Variants in SIPA1L1 observed in about 807,000 individuals in gnomAD.
SIPA1L1 encodes the protein signal induced proliferation associated 1 like 1, also known as signal-induced proliferation-associated 1-like protein 1.
Under a neutral mutation model 162.7 loss-of-function variants are expected in SIPA1L1, and 26 were observed. The observed-to-expected ratio is 0.16, with a 90% confidence interval of 0.12 to 0.22. The LOEUF is 0.22. Among genes scored for constraint, SIPA1L1 ranks in the 10% least tolerant of loss-of-function variants. The probability of loss-of-function intolerance (pLI) is 1.00; values close to 1 mark genes in which losing one functional copy is unlikely to be tolerated. For synonymous variants in SIPA1L1, 829 were observed against 837.4 expected, an observed-to-expected ratio of 0.99 and a Z score of 0.17; for missense variants, 1,874 against 2,241.0, an observed-to-expected ratio of 0.84 and a Z score of 3.31.
chr14:71,695,217 C>T (rs2081536213), intron 13 of SIPA1L1, among the ~76,000 whole-genome samples: 1 of 152,146 alleles, frequency 6.6e-6, no homozygotes, highest in African/African-American at 2.4e-5. Flanking sequence ...TTTTCTTTGC[C>T]TACCATACAT....
In SIPA1L1 at chr14:71,395,097, A is replaced by G. The variant is rs542418874; in HGVS notation, c.-465+73916A>G. ...AGGGCCCTTAGGAAATTTTTCTTAAAAAGAGTTTGTAATGATTCATAATTT... is the reference window on the plus strand; with the variant it reads ...AGGGCCCTTAGGAAATTTTTCTTAAGAAGAGTTTGTAATGATTCATAATTT... On this transcript the variant is annotated intron_variant, in intron 2 of 23. Transcript: ENST00000381232. Among the ~76,000 whole-genome samples the G allele has an allele frequency of 1.8e-4, 27 of 152,336 alleles. No individual in the cohort carries two copies. The South Asian group carries it at 5.6e-3, about 32-fold the overall frequency.
Position 71,609,168 on chromosome 14 carries a change from A to C in SIPA1L1, c.1499-9589A>C, listed in dbSNP as rs1421876038. Among the ~76,000 whole-genome samples, 8 of 152,238 alleles carry C rather than the reference A, an allele frequency of 5.3e-5. No homozygotes were observed. In the East Asian group the frequency reaches 1.5e-3, roughly 29 times the overall value. ...GTTTTTTCCAATTCTTGTTATAATA[A>C]ATAATGCTTACATTAGCTGGTCTTA... is the stretch of plus-strand genomic sequence containing the variant. On this transcript the variant is annotated intron_variant, in intron 5 of 23. Coordinates refer to ENST00000381232, the MANE Select transcript of SIPA1L1 (RefSeq NM_001386936.1).
rs759572108 is a variant in SIPA1L1, at chr14:71,672,598, C to T, written c.3080C>T (p.Pro1027Leu). 3 of 1,614,012 alleles carry T rather than the reference C, an allele frequency of 1.9e-6. No individual in the cohort carries two copies. Among genetic ancestry groups the T allele is most frequent in the South Asian group, 1.1e-5 (1 of 91,080 alleles). Reference sequence around the variant, plus strand: ...ACGGTGAAGGTTGTCATCATTCCCCCGCATGATGACTGCACCCCGCGGAGG... The same window carrying T: ...ACGGTGAAGGTTGTCATCATTCCCCTGCATGATGACTGCACCCCGCGGAGG... The part of the protein sequence containing the change: ...SVTVKVVIIP[P>L]HDDCTPRRSC... The change falls in exon 12 of 24, where the codon CCG becomes CTG. Residue 1027 changes from proline to leucine, a missense_variant. Coordinates refer to ENST00000381232, the MANE Select transcript of SIPA1L1 (RefSeq NM_001386936.1).
intron 3 of SIPA1L1, among the ~76,000 whole-genome samples, chr14:71,522,697 C>CT (rs368872105): frequency 0.031 from 4,407 of 144,020 alleles, 124 homozygotes; most frequent in African/African-American, 0.074. Context: ...TTCTCTCTCT[C>CT]TTTTTTTTTT....
intron 4 of SIPA1L1, among the ~76,000 whole-genome samples, chr14:71,544,163 G>GCATGTGTGTGTATATA (rs756031755): frequency 6.8e-6 from 1 of 146,214 alleles, no homozygotes; most frequent in Admixed American, 6.8e-5. Flanking sequence ...GTGTGTATAT[G>GCATGTGTGTGTATATA]TACATATATG....
intron 5 of SIPA1L1, among the ~76,000 whole-genome samples, chr14:71,601,518 T>C (rs2036747432): frequency 6.6e-6 from 1 of 152,232 alleles, no homozygotes; most frequent in African/African-American, 2.4e-5. Flanking sequence ...CATTTTTGCA[T>C]GTATGTTCAT....
intron 2 of SIPA1L1, among the ~76,000 whole-genome samples, chr14:71,408,821 A>G (rs1313039083): frequency 6.6e-6 from 1 of 152,220 alleles, no homozygotes; most frequent in Non-Finnish European, 1.5e-5. Flanking sequence ...GTGAGCAGGA[A>G]GAGACTGGAG....
chr14:71,538,203 G>A (rs1402604355), intron 4 of SIPA1L1, among the ~76,000 whole-genome samples: 2 of 152,126 alleles, frequency 1.3e-5, no homozygotes, highest in Admixed American at 1.3e-4. Flanking sequence ...CTCAAAAGGA[G>A]TGAGAAGTTA....
At chr14:71,357,602 C>T (rs902317854) in intron 2 of SIPA1L1, among the ~76,000 whole-genome samples, 2 of 152,058 alleles carry the variant, frequency 1.3e-5, no homozygotes, top group African/African-American at 4.8e-5. Context: ...CACTCTGTCA[C>T]CCAGGCTGCA....
At chr14:71,435,525 A>G (rs891425927) in intron 2 of SIPA1L1, among the ~76,000 whole-genome samples, 8 of 152,140 alleles carry the variant, frequency 5.3e-5, no homozygotes, top group Non-Finnish European at 1.2e-4. Flanking sequence ...TTATGGCTGC[A>G]TAGTATTCCA....
intron 17 of SIPA1L1, among the ~76,000 whole-genome samples, chr14:71,716,964 A>T (rs1184515394): frequency 3.9e-5 from 6 of 152,234 alleles, no homozygotes; most frequent in Non-Finnish European, 8.8e-5. Flanking sequence ...CAGTAGCACG[A>T]TCTTGGCTCA....
At chr14:71,372,218 A>G (rs1283168281) in intron 2 of SIPA1L1, among the ~76,000 whole-genome samples, 1 of 152,108 alleles carries the variant, frequency 6.6e-6, no homozygotes, top group Non-Finnish European at 1.5e-5. Flanking sequence ...AGAATTAGTC[A>G]GCTTCCAGGA....
In SIPA1L1 at chr14:71,730,280, T is replaced by G. The variant is rs767927516; in HGVS notation, c.4840T>G (p.Leu1614Val). The G allele has an allele frequency of 1.9e-6, 3 of 1,614,124 alleles. 1 individual carries two copies. The highest frequency in any genetic ancestry group is 3.3e-5 in the Admixed American group (2 of 60,026). ...CCCGTTGAGGAGGCCTTCTTACACCTTAGGAATGAAATCGCTGCATGGTAA... is the reference window on the plus strand; with the variant it reads ...CCCGTTGAGGAGGCCTTCTTACACCGTAGGAATGAAATCGCTGCATGGTAA... ...SLPLRRPSYTLGMKSLHGEFS... is the reference protein window; with the variant it reads ...SLPLRRPSYTVGMKSLHGEFS... The change falls in exon 20 of 24, where the codon TTA (leucine) becomes GTA (valine). Residue 1614 changes from leucine to valine, a missense_variant. By Grantham distance (32) the Leu-to-Val change is conservative (BLOSUM62 1). Coordinates refer to ENST00000381232, the MANE Select transcript of SIPA1L1 (RefSeq NM_001386936.1).
At chr14:71,407,997 A>G (rs1167377889) in intron 2 of SIPA1L1, among the ~76,000 whole-genome samples, 2 of 152,212 alleles carry the variant, frequency 1.3e-5, no homozygotes, top group African/African-American at 4.8e-5. Context: ...AGAAAAGATG[A>G]ACTAAGGTTA....
At chr14:71,555,787 C>G (rs2056302008) in intron 4 of SIPA1L1, among the ~76,000 whole-genome samples, 3 of 152,018 alleles carry the variant, frequency 2.0e-5, no homozygotes, top group Admixed American at 2.0e-4. Context: ...GACTAGAGAG[C>G]CCAAAGAGAG....
intron 4 of SIPA1L1, among the ~76,000 whole-genome samples, chr14:71,555,395 G>A (rs2056265669): frequency 6.6e-6 from 1 of 152,098 alleles, no homozygotes; most frequent in South Asian, 2.1e-4. Context: ...ACCTCTCTCA[G>A]CCTTCATAGA....
intron 2 of SIPA1L1, among the ~76,000 whole-genome samples, chr14:71,472,169 T>A (rs572232421): frequency 6.6e-6 from 1 of 152,230 alleles, no homozygotes; most frequent in African/African-American, 2.4e-5. Context: ...GACTCTCATG[T>A]CCTTCTGTGT....
intron 5 of SIPA1L1, among the ~76,000 whole-genome samples, chr14:71,617,437 G>T (rs2038958572): frequency 6.6e-6 from 1 of 152,180 alleles, no homozygotes; most frequent in South Asian, 2.1e-4. Flanking sequence ...GTGACATTTA[G>T]TGGGTTATTT....
At chr14:71,568,829 T>C (rs1310790967) in intron 4 of SIPA1L1, among the ~76,000 whole-genome samples, 2 of 152,146 alleles carry the variant, frequency 1.3e-5, no homozygotes, top group East Asian at 3.8e-4. Flanking sequence ...TTTAACAAAA[T>C]GTGTGTCGGA....
Sources: gnomAD v4.1 joint callset for allele counts (sites outside exome capture counted in the v4.1 genomes callset) on GRCh38, gnomAD v4.1.1 for gene constraint, MANE v1.5 for transcripts, NCBI Gene and HGNC (gene_info 2026-07-23, HGNC 2026-07-21) for gene names.